The following ATP5IF1 variants were observed in gnomAD, a reference collection of about 807,000 sequenced individuals.
ATP5IF1 encodes the protein ATP synthase inhibitory factor subunit 1.
ATP5IF1 carries 12 observed loss-of-function variants against 8.5 expected under a neutral mutation model. The observed-to-expected ratio is 1.41, with a 90% CI of 0.90 to 2.28. ATP5IF1 has a LOEUF of 2.28. Ranked by LOEUF, ATP5IF1 falls within the 30% of genes most tolerant of loss-of-function variation. ATP5IF1 has a pLI of 0.00. For synonymous variants in ATP5IF1, 51 were observed against 53.4 expected, an observed-to-expected ratio of 0.96 and a Z score of 0.19; for missense variants, 154 against 140.2, an observed-to-expected ratio of 1.10 and a Z score of -0.50.
rs369255116 is a variant in ATP5IF1, at chr1:28,236,504, A to G, written c.179+52A>G. On this transcript the variant is annotated intron_variant, in intron 2 of 2. Coordinates refer to ENST00000335514, the MANE Select transcript of ATP5IF1 (RefSeq NM_016311.5). ...GCCCTGGATCTCCCAATGGCCTTCC[A>G]ATCCTTAAACTGCCAATCGCCCCAC... 8.1e-6 allele frequency: 13 copies of G among 1,613,106 alleles called. No individual in the cohort carries two copies. The African/African-American group carries it at 1.7e-4, about 22-fold the overall frequency.
At chr1:28,237,588 A>G (rs1404075228) in intron 2 of ATP5IF1, 7 of 1,449,160 alleles carry the variant, frequency 4.8e-6, no homozygotes, top group Middle Eastern at 2.5e-4. Flanking sequence ...GACTTGTGTC[A>G]CATCTCTCTG....
intron 2 of ATP5IF1, chr1:28,236,800 TC>T: frequency 8.2e-7 from 1 of 1,219,216 alleles, no homozygotes; most frequent in Non-Finnish European, 1.0e-6. Flanking sequence ...AGTGTCTAGA[TC>T]CGACCGCCCA....
At chr1:28,236,771 A>G (rs1647040711) in intron 2 of ATP5IF1, 1 of 1,275,592 alleles carries the variant, frequency 7.8e-7, no homozygotes, top group South Asian at 1.5e-5. Context: ...CGTGCGAAAC[A>G]CCCCCAGATT....
chr1:28,237,240 G>A lies in ATP5IF1; in HGVS notation c.180-597G>A, dbSNP rs988469428. Reference sequence around the variant, plus strand: ...CATGACACCTGCCATACCGTATAGAGAGCCAAGGTACAGCCGTTAGAGACT... The same window carrying A: ...CATGACACCTGCCATACCGTATAGAAAGCCAAGGTACAGCCGTTAGAGACT... On this transcript the variant is annotated intron_variant, in intron 2 of 2. Transcript: ENST00000335514. 2.6e-5 allele frequency: 26 copies of A among 994,252 alleles called. No homozygotes were observed. The African/African-American group carries it at 4.4e-4, about 17-fold the overall frequency. The allele number at this position is 994,252 out of a possible 1,614,324, so 61.6% of individuals were successfully genotyped here.
chr1:28,236,554 GCC>G lies in ATP5IF1; in HGVS notation c.179+105_179+106del, dbSNP rs750883056. On this transcript the variant is annotated intron_variant, in intron 2 of 2. Transcript: ENST00000335514. Reference sequence around the variant, plus strand: ...CCCGTTCCTACCTGGTGCCTTGGGCGCCCCATCCCCCAACAGAACTCCCGGGC... The same window carrying G: ...CCCGTTCCTACCTGGTGCCTTGGGCGCCATCCCCCAACAGAACTCCCGGGC... The G allele has an allele frequency of 9.6e-6, 15 of 1,567,368 alleles. No individual in the cohort carries two copies. In the Admixed American group the frequency reaches 2.7e-4, roughly 28 times the overall value.
At chr1:28,236,945 G>A (rs1003494926) in intron 2 of ATP5IF1, 4 of 1,067,628 alleles carry the variant, frequency 3.7e-6, no homozygotes, top group Non-Finnish European at 4.6e-6. Context: ...CTAGACCCCC[G>A]ACTCCGCAAG....
chr1:28,236,609 T>A, intron 2 of ATP5IF1, 157 bp downstream of exon 2: 1 of 1,531,390 alleles, frequency 6.5e-7, no homozygotes. Flanking sequence ...TAACCCTTGA[T>A]GTCCCGACCG....
intron 2 of ATP5IF1, chr1:28,237,328 A>G: frequency 9.9e-7 from 1 of 1,008,664 alleles, no homozygotes; most frequent in Non-Finnish European, 1.2e-6. Context: ...GACCAAACCA[A>G]CATTGTAATC....
chr1:28,236,192 G>A lies in ATP5IF1; in HGVS notation c.9G>A (p.Val3=). The part of the protein sequence containing the change: MA[V]TALAARTWLG... ...GTGCAGCTCCAGCAGCAATGGCAGT[G>A]ACGGCGTTGGCGGCGCGGACGTGGC... Residue 3 remains valine, a synonymous_variant, in exon 1 of 3, where the codon GTG becomes GTA. Coordinates refer to ENST00000335514, the MANE Select transcript of ATP5IF1 (RefSeq NM_016311.5). 1 of 1,613,406 alleles carries A rather than the reference G, an allele frequency of 6.2e-7. No homozygotes were observed. Among genetic ancestry groups the A allele is most frequent in the East Asian group, 2.2e-5 (1 of 44,876 alleles).
intron 2 of ATP5IF1, 115 bp downstream of exon 2, chr1:28,236,567 A>G (rs1226880064): frequency 1.1e-5 from 17 of 1,555,780 alleles, no homozygotes; most frequent in South Asian, 5.8e-5. Flanking sequence ...CCATCCCCCA[A>G]CAGAACTCCC....
chr1:28,236,187 G>A lies in ATP5IF1; in HGVS notation c.4G>A (p.Ala2Thr). M[A>T]VTALAARTWL... ...CAGAGGTGCAGCTCCAGCAGCAATGGCAGTGACGGCGTTGGCGGCGCGGAC... is the reference window on the plus strand; with the variant it reads ...CAGAGGTGCAGCTCCAGCAGCAATGACAGTGACGGCGTTGGCGGCGCGGAC... The change falls in exon 1 of 3, where the codon GCA becomes ACA. Residue 2 changes from alanine (A) to threonine (T), a missense_variant. Physicochemically the swap from Ala to Thr is moderately conservative, Grantham distance 58. Transcript: ENST00000335514. 1.2e-6 allele frequency: 2 copies of A among 1,613,204 alleles called. No homozygotes were observed. The highest frequency in any genetic ancestry group is 1.7e-6 in the Non-Finnish European group (2 of 1,179,946).
chr1:28,237,665 C>T (rs1647050322), intron 2 of ATP5IF1, 172 bp from the exon 3 acceptor site: 1 of 1,553,642 alleles, frequency 6.4e-7, no homozygotes, highest in Non-Finnish European at 8.7e-7. Context: ...ATGGCTACAC[C>T]TCAATTTAAG....
chr1:28,236,149 G>A lies in ATP5IF1; in HGVS notation c.-35G>A, dbSNP rs1647031390. The A allele has an allele frequency of 6.2e-7, 1 of 1,607,960 alleles. No homozygotes were observed. Among genetic ancestry groups the A allele is most frequent in the African/African-American group, 1.3e-5 (1 of 74,936 alleles). On this transcript the variant is annotated 5_prime_UTR_variant, in exon 1 of 3. Transcript: ENST00000335514. The stretch of plus-strand genomic sequence containing the variant: ...AGCGCGTAACGAGAGACTGCTTGCT[G>A]CGGCAGAGACGCCAGAGGTGCAGCT...
chr1:28,237,650 T>C, intron 2 of ATP5IF1, 187 bp from the exon 3 acceptor site: 1 of 1,522,262 alleles, frequency 6.6e-7, no homozygotes, highest in East Asian at 2.4e-5. Context: ...TTTGGTCTTC[T>C]TAAGATGGCT....
chr1:28,236,685 G>A (rs1180774077), intron 2 of ATP5IF1: 9 of 1,432,618 alleles, frequency 6.3e-6, no homozygotes, highest in Admixed American at 2.6e-5. Context: ...CGTTTCCACC[G>A]GCGGGTCTCC....
Position 28,237,838 on chromosome 1 carries a change from G to C in ATP5IF1, c.181G>C (p.Ala61Pro). The change falls in exon 3 of 3, where the codon GCA (alanine) becomes CCA (proline). Residue 61 changes from alanine (A) to proline (P), a missense_variant and splice_region_variant. Coordinates refer to ENST00000335514, the MANE Select transcript of ATP5IF1 (RefSeq NM_016311.5). ...CCCTGAGCCACCGTGTCCTTGTAGA[G>C]CACAGAGTAGAGAACAACTGGCAGC... Reference protein sequence around the residue: ...EQAEEERYFRAQSREQLAALK... With the variant: ...EQAEEERYFRPQSREQLAALK... 1 of 1,614,142 alleles carries C rather than the reference G, an allele frequency of 6.2e-7. No individual in the cohort carries two copies. The highest frequency in any genetic ancestry group is 8.5e-7 in the Non-Finnish European group (1 of 1,180,032).
intron 2 of ATP5IF1, 166 bp from the exon 3 acceptor site, chr1:28,237,671 T>TTAA: frequency 6.4e-7 from 1 of 1,563,286 alleles, no homozygotes; most frequent in Non-Finnish European, 8.7e-7. Context: ...ACACCTCAAT[T>TTAA]TAAGATGGGG....
At position 28,236,162 on chromosome 1, in the gene ATP5IF1, C is replaced by T. The variant is rs1647031880; in HGVS notation, c.-22C>T. The T allele has an allele frequency of 1.2e-6, 2 of 1,610,838 alleles. No homozygotes were observed. Among genetic ancestry groups the T allele is most frequent in the Non-Finnish European group, 1.7e-6 (2 of 1,179,852 alleles). On this transcript the variant is annotated 5_prime_UTR_variant, in exon 1 of 3. Coordinates refer to ENST00000335514, the MANE Select transcript of ATP5IF1 (RefSeq NM_016311.5). ...AGACTGCTTGCTGCGGCAGAGACGCCAGAGGTGCAGCTCCAGCAGCAATGG... is the reference window on the plus strand; with the variant it reads ...AGACTGCTTGCTGCGGCAGAGACGCTAGAGGTGCAGCTCCAGCAGCAATGG...
At chr1:28,237,034 C>G in intron 2 of ATP5IF1, 1 of 1,007,074 alleles carries the variant, frequency 9.9e-7, no homozygotes, top group Non-Finnish European at 1.2e-6. Context: ...CCTACTCAGC[C>G]CAACCTAGAC....
Sources: allele counts gnomAD v4.1 joint callset, GRCh38; gene constraint gnomAD v4.1.1; transcripts MANE v1.5; gene names NCBI Gene and HGNC (gene_info 2026-07-23, HGNC 2026-07-21).